LHFPL2: variants seen among roughly 807,000 people sequenced by gnomAD.
LHFPL2 encodes the protein LHFPL tetraspan subfamily member 2 protein.
LHFPL2 carries 7 observed loss-of-function variants against 17.5 expected under a neutral mutation model. The observed-to-expected ratio is 0.40, with a 90% confidence interval of 0.23 to 0.75. The LOEUF is 0.75. Among genes scored for constraint, LHFPL2 ranks in the 30% least tolerant of loss-of-function variants. LHFPL2 has a pLI of 0.37. For synonymous variants in LHFPL2, 134 were observed against 116.2 expected, an observed-to-expected ratio of 1.15 and a Z score of -0.99; for missense variants, 241 against 294.8, an observed-to-expected ratio of 0.82 and a Z score of 1.34.
At chr5:78,564,351 A>G (rs918878252) in intron 3 of LHFPL2, among the ~76,000 whole-genome samples, 7 of 152,230 alleles carry the variant, frequency 4.6e-5, no homozygotes, top group African/African-American at 1.7e-4. Flanking sequence ...ATCACCTATT[A>G]GTCAACTGTT....
chr5:78,571,189 T>A (rs1370960975), intron 2 of LHFPL2, among the ~76,000 whole-genome samples: 1 of 152,188 alleles, frequency 6.6e-6, no homozygotes, highest in East Asian at 1.9e-4. Context: ...TGCTGCACAC[T>A]GCCCATCACA....
At chr5:78,525,896 C>G (rs758667808) in intron 3 of LHFPL2, among the ~76,000 whole-genome samples, 1 of 152,166 alleles carries the variant, frequency 6.6e-6, no homozygotes, top group African/African-American at 2.4e-5. Context: ...TGGCTCAACA[C>G]CAAGGAAGTA....
At chr5:78,535,965 T>C (rs1371546178) in intron 3 of LHFPL2, among the ~76,000 whole-genome samples, 1 of 152,162 alleles carries the variant, frequency 6.6e-6, no homozygotes, top group Non-Finnish European at 1.5e-5. Flanking sequence ...GCATTCTCCA[T>C]GGGGACATGG....
chr5:78,533,279 G>A (rs971204956), intron 3 of LHFPL2, among the ~76,000 whole-genome samples: 1 of 152,140 alleles, frequency 6.6e-6, no homozygotes, highest in Non-Finnish European at 1.5e-5. Context: ...ACTGAACATT[G>A]AGCCTTCACC....
At chr5:78,595,624 G>A (rs773609825) in intron 2 of LHFPL2, among the ~76,000 whole-genome samples, 39 of 152,114 alleles carry the variant, frequency 2.6e-4, no homozygotes, top group Admixed American at 3.9e-4. Context: ...CAATTCTCCC[G>A]CCTCAGCCTC....
At chr5:78,527,363 GTTTTT>G (rs35135294) in intron 3 of LHFPL2, among the ~76,000 whole-genome samples, 6 of 108,102 alleles carry the variant, frequency 5.6e-5, no homozygotes, top group Admixed American at 1.0e-4. Context: ...CTGATGAGGA[GTTTTT>G]TTTTTTTTTT....
intron 2 of LHFPL2, among the ~76,000 whole-genome samples, chr5:78,576,112 G>A (rs889145037): frequency 6.6e-6 from 1 of 152,126 alleles, no homozygotes; most frequent in African/African-American, 2.4e-5. Flanking sequence ...TGGCTAACAC[G>A]GTGAAACCCC....
intron 2 of LHFPL2, among the ~76,000 whole-genome samples, chr5:78,613,389 G>A (rs1296837111): frequency 6.6e-6 from 1 of 152,178 alleles, no homozygotes; most frequent in Non-Finnish European, 1.5e-5. Context: ...ATTGTATGGT[G>A]AGAAAAGGAT....
chr5:78,609,450 CAAA>C (rs71613975), intron 2 of LHFPL2, among the ~76,000 whole-genome samples: 2,493 of 40,124 alleles, frequency 0.062, 26 homozygotes, highest in African/African-American at 0.21. Context: ...GACTCAGTCT[CAAA>C]AAAAAAAAAA....
At position 78,638,348 on chromosome 5, in the gene LHFPL2, C is replaced by T. The variant is rs753975538; in HGVS notation, c.-349-5980G>A. Among the ~76,000 whole-genome samples, 39 of 151,970 alleles carry T rather than the reference C, an allele frequency of 2.6e-4. 1 individual carries two copies. Among genetic ancestry groups the T allele is most frequent in the Admixed American group, 1.8e-3 (27 of 15,276 alleles). ...CAGCCTGGGTGACAGAGCGAGACAC[C>T]GTCTCAAATAATAATAACAATAATA... On this transcript the variant is annotated intron_variant, in intron 1 of 4. Transcript: ENST00000380345.
At chr5:78,630,575 TG>T (rs1745206097) in intron 2 of LHFPL2, among the ~76,000 whole-genome samples, 1 of 152,156 alleles carries the variant, frequency 6.6e-6, no homozygotes, top group African/African-American at 2.4e-5. Context: ...GTTCCTTTAC[TG>T]CCTTGTCTTT....
chr5:78,519,448 A>G (rs1204903889), intron 3 of LHFPL2, among the ~76,000 whole-genome samples: 1 of 152,178 alleles, frequency 6.6e-6, no homozygotes, highest in Non-Finnish European at 1.5e-5. Context: ...GGCTTCAGGA[A>G]GGGTACACAG....
At chr5:78,495,597 C>T (rs1754580061) in intron 4 of LHFPL2, among the ~76,000 whole-genome samples, 1 of 152,220 alleles carries the variant, frequency 6.6e-6, no homozygotes, top group Admixed American at 6.5e-5. Flanking sequence ...CCTGTTACCA[C>T]TACCAGCAAT....
chr5:78,638,685 T>C (rs564530122), intron 1 of LHFPL2, among the ~76,000 whole-genome samples: 62 of 152,186 alleles, frequency 4.1e-4, no homozygotes, highest in African/African-American at 1.4e-3. Context: ...TGGAGGAGAA[T>C]GACAAGGGGA....
At chr5:78,585,363 C>T (rs1178756657) in intron 2 of LHFPL2, among the ~76,000 whole-genome samples, 1 of 150,784 alleles carries the variant, frequency 6.6e-6, no homozygotes, top group Non-Finnish European at 1.5e-5. Flanking sequence ...GGGAGTGACC[C>T]GATTTTCCAG....
chr5:78,546,324 C>T (rs892844463), intron 3 of LHFPL2, among the ~76,000 whole-genome samples: 2 of 152,270 alleles, frequency 1.3e-5, no homozygotes, highest in East Asian at 1.9e-4. Context: ...TCAAAGTAGC[C>T]GTTCTGAGGC....
intron 1 of LHFPL2, among the ~76,000 whole-genome samples, chr5:78,642,529 AAG>A (rs1745706117): frequency 6.6e-6 from 1 of 152,206 alleles, no homozygotes; most frequent in Admixed American, 6.5e-5. Flanking sequence ...AAAGGGATGA[AAG>A]AGAAAATTTC....
chr5:78,635,599 G>A (rs1171439948), intron 1 of LHFPL2, among the ~76,000 whole-genome samples: 2 of 152,180 alleles, frequency 1.3e-5, no homozygotes, highest in South Asian at 2.1e-4. Context: ...TCAGGAGATC[G>A]AGACCATCCT....
chr5:78,602,254 CTTT>C (rs1418660349), intron 2 of LHFPL2, among the ~76,000 whole-genome samples: 2 of 152,070 alleles, frequency 1.3e-5, no homozygotes. Flanking sequence ...TTGACAACTT[CTTT>C]GACTTTTTGA....
Sources: gnomAD v4.1 joint callset for allele counts (sites outside exome capture counted in the v4.1 genomes callset) on GRCh38, gnomAD v4.1.1 for gene constraint, MANE v1.5 for transcripts, NCBI Gene and HGNC (gene_info 2026-07-23, HGNC 2026-07-21) for gene names.